The following HBEGF variants were observed in gnomAD, a reference collection of about 807,000 sequenced individuals.
HBEGF encodes the protein heparin binding EGF like growth factor, also known as proheparin-binding EGF-like growth factor.
HBEGF carries 8 observed loss-of-function variants against 19.5 expected under a neutral mutation model. The ratio of observed to expected loss-of-function variants is 0.41; its 90% CI spans 0.24 to 0.74. The LOEUF (loss-of-function observed/expected upper bound fraction) is 0.74. HBEGF is among the 30% of genes least tolerant of loss of function. HBEGF has a pLI of 0.32. For synonymous variants in HBEGF, 97 were observed against 108.9 expected, an observed-to-expected ratio of 0.89 and a Z score of 0.68; for missense variants, 207 against 256.9, an observed-to-expected ratio of 0.81 and a Z score of 1.33.
chr5:140,346,415 G>A lies in HBEGF; in HGVS notation c.-87C>T, dbSNP rs577735213. On this transcript the variant is annotated 5_prime_UTR_variant, in exon 1 of 6. Transcript: ENST00000230990. This position sits in a 1 kb window ranked among gnomAD's most constrained non-coding sequence, Gnocchi z 6.1. ...GCTGGCACCAGAGCTGGGCGGCGGA[G>A]CTCAGGAGATTCCGCCGGGCACCGT... 42 of 1,448,354 alleles carry A rather than the reference G, an allele frequency of 2.9e-5. No homozygotes were observed. The highest frequency in any genetic ancestry group is 3.6e-5 in the Non-Finnish European group (38 of 1,059,660). 89.7% of individuals were successfully genotyped at this position (1,448,354 alleles called of 1,614,324 possible).
chr5:140,342,692 T>C lies in HBEGF; in HGVS notation c.341A>G (p.Asp114Gly). The C allele has an allele frequency of 6.2e-7, 1 of 1,614,156 alleles. No individual in the cohort carries two copies. The highest frequency in any genetic ancestry group is 1.1e-5 in the South Asian group (1 of 91,084). ...TTTGCATTCTCCATGGATGCAGAAG[T>C]CCTTGTATTTCCGAAGACATGGGTC... ...KRDPCLRKYK[D>G]FCIHGECKYV... Residue 114 changes from aspartate to glycine, a missense_variant, in exon 3 of 6, where the codon GAC becomes GGC. Asp to Gly is a moderately conservative substitution (Grantham distance 94). This residue lies in a region of HBEGF where 3 missense variants were observed against 17.3 expected (regional missense o/e 0.17). Transcript: ENST00000230990.
intron 5 of HBEGF, among the ~76,000 whole-genome samples, 151 bp downstream of exon 5, chr5:140,334,507 G>A (rs1211030559): frequency 1.3e-5 from 2 of 152,150 alleles, no homozygotes; most frequent in African/African-American, 4.8e-5. Context: ...GTGAAGCACT[G>A]AGTCTTTTTG....
chr5:140,337,222 T>G (rs1412076346), intron 3 of HBEGF, among the ~76,000 whole-genome samples: 1 of 152,190 alleles, frequency 6.6e-6, no homozygotes, highest in African/African-American at 2.4e-5. Flanking sequence ...TCACATCCTT[T>G]CCTTTATCTG....
At chr5:140,336,631 G>A (rs1341047245) in intron 3 of HBEGF, among the ~76,000 whole-genome samples, 1 of 151,968 alleles carries the variant, frequency 6.6e-6, no homozygotes, top group Non-Finnish European at 1.5e-5. Context: ...GGCCCAACTT[G>A]GGAGCTCAAC....
At chr5:140,345,502 C>T (rs759290225) in intron 2 of HBEGF, among the ~76,000 whole-genome samples, 1 of 152,316 alleles carries the variant, frequency 6.6e-6, no homozygotes, top group East Asian at 1.9e-4. Context: ...TGTGCCTGGG[C>T]ATCTCCGCAT....
At chr5:140,338,466 G>A (rs945977149) in intron 3 of HBEGF, among the ~76,000 whole-genome samples, 1 of 152,182 alleles carries the variant, frequency 6.6e-6, no homozygotes, top group African/African-American at 2.4e-5. Flanking sequence ...TGGGAGGAGG[G>A]AAGCTGAAGT....
Position 140,336,027 on chromosome 5 carries a change from G to A in HBEGF, c.399C>T (p.Ile133=), listed in dbSNP as rs746450214. The change falls in exon 4 of 6, where the codon ATC becomes ATT. Residue 133 remains isoleucine (I), a splice_region_variant and synonymous_variant. Transcript: ENST00000230990. ...YVKELRAPSC[I]CHPGYHGERC... ...TCTCTCCATGGTAACCCGGGTGGCAGCTAGTTCAAGACAGAACAAGAAGGA... is the reference window on the plus strand; with the variant it reads ...TCTCTCCATGGTAACCCGGGTGGCAACTAGTTCAAGACAGAACAAGAAGGA... 1 of 1,613,624 alleles carries A rather than the reference G, an allele frequency of 6.2e-7. No individual in the cohort carries two copies. Among genetic ancestry groups the A allele is most frequent in the Non-Finnish European group, 8.5e-7 (1 of 1,179,806 alleles).
chr5:140,335,908 A>G lies in HBEGF; in HGVS notation c.518T>C (p.Val173Ala), dbSNP rs1766220702. ...AAGCCCCACGATGACCAGCAGACAG[A>G]CAGATGACAGCACCACAGCCACCAC... ...LAVVAVVLSSVCLLVIVGLLM... is the reference protein window; with the variant it reads ...LAVVAVVLSSACLLVIVGLLM... The change falls in exon 4 of 6, where the codon GTC becomes GCC. Residue 173 changes from valine to alanine, a missense_variant. By Grantham distance (64) the Val-to-Ala change is moderately conservative. This residue lies in a region of HBEGF where 77 missense variants were observed against 106.9 expected (regional missense o/e 0.72). Transcript: ENST00000230990. 1.6e-5 allele frequency: 26 copies of G among 1,614,202 alleles called. No homozygotes were observed. The highest frequency in any genetic ancestry group is 2.2e-5 in the Non-Finnish European group (26 of 1,180,030).
chr5:140,341,819 A>G (rs759026249), intron 3 of HBEGF, among the ~76,000 whole-genome samples: 5 of 152,162 alleles, frequency 3.3e-5, no homozygotes, highest in Non-Finnish European at 5.9e-5. Context: ...TGGCAACATT[A>G]TGCCTGCCAG....
chr5:140,342,958 C>CACTG, intron 2 of HBEGF, 146 bp from the exon 3 acceptor site: 8 of 753,808 alleles, frequency 1.1e-5, no homozygotes, highest in East Asian at 2.5e-5. Flanking sequence ...TCCTAAGAGG[C>CACTG]AGAAGGAAGA....
Position 140,342,719 on chromosome 5 carries a change from C to T in HBEGF, c.314G>A (p.Arg105Lys), listed in dbSNP as rs774234854. Reference protein sequence around the residue: ...KKKGKGLGKKRDPCLRKYKDF... With the variant: ...KKKGKGLGKKKDPCLRKYKDF... ...CTTGTATTTCCGAAGACATGGGTCC[C>T]TCTTCTTCCCTAGCCCCTTGCCTTT... Residue 105 changes from arginine to lysine, a missense_variant, in exon 3 of 6, where the codon AGG (arginine) becomes AAG (lysine). This residue lies in a region of HBEGF where 127 missense variants were observed against 132.7 expected (regional missense o/e 0.96). Transcript: ENST00000230990. 4.3e-6 allele frequency: 7 copies of T among 1,614,204 alleles called. No individual in the cohort carries two copies. Among genetic ancestry groups the T allele is most frequent in the African/African-American group, 1.3e-5 (1 of 75,048 alleles).
rs1766299363 is a variant in HBEGF at position 140,340,753 on chromosome 5, C to T, written c.398+1882G>A. Reference sequence around the variant, plus strand: ...GCTGCCCTCTGCCCTCTATAAAATGCTGCTCCAACTCTATAAGGACAGATA... The same window carrying T: ...GCTGCCCTCTGCCCTCTATAAAATGTTGCTCCAACTCTATAAGGACAGATA... On this transcript the variant is annotated intron_variant, in intron 3 of 5. Transcript: ENST00000230990. Among the ~76,000 whole-genome samples the T allele has an allele frequency of 3.3e-5, 5 of 152,202 alleles. No individual in the cohort carries two copies. In the South Asian group the frequency reaches 1.0e-3, roughly 32 times the overall value.
intron 3 of HBEGF, among the ~76,000 whole-genome samples, chr5:140,340,876 A>G (rs970482658): frequency 1.3e-5 from 2 of 152,196 alleles, no homozygotes; most frequent in East Asian, 3.9e-4. Context: ...CTTATTTCCA[A>G]CTACTTATTT....
intron 3 of HBEGF, among the ~76,000 whole-genome samples, chr5:140,336,232 T>G (rs1022351763): frequency 6.6e-6 from 1 of 152,196 alleles, no homozygotes; most frequent in African/African-American, 2.4e-5. Flanking sequence ...CTCTCTCACT[T>G]GACACCCTCC....
chr5:140,342,761 T>C lies in HBEGF; in HGVS notation c.272A>G (p.His91Arg). ...CTTGCCTTTCTTCTTTCTTTTCCCGTGCTCCTCCTTGTTTGGTGTGGCCAG... is the reference window on the plus strand; with the variant it reads ...CTTGCCTTTCTTCTTTCTTTTCCCGCGCTCCTCCTTGTTTGGTGTGGCCAG... The part of the protein sequence containing the change: ...QALATPNKEE[H>R]GKRKKKGKGL... Residue 91 changes from histidine to arginine, a missense_variant, in exon 3 of 6, where the codon CAC becomes CGC. Physicochemically the swap from His to Arg is conservative, Grantham distance 29. This residue lies in a region of HBEGF where 127 missense variants were observed against 132.7 expected (regional missense o/e 0.96). Coordinates refer to ENST00000230990, the MANE Select transcript of HBEGF (RefSeq NM_001945.3). 6.2e-7 allele frequency: 1 copy of C among 1,614,224 alleles called. No individual in the cohort carries two copies. The highest frequency in any genetic ancestry group is 2.2e-5 in the East Asian group (1 of 44,886).
chr5:140,336,776 C>T (rs945595354), intron 3 of HBEGF, among the ~76,000 whole-genome samples: 1 of 151,626 alleles, frequency 6.6e-6, no homozygotes, highest in Non-Finnish European at 1.5e-5. Flanking sequence ...TCCCTTGGCT[C>T]TTCTCACTCA....
intron 2 of HBEGF, among the ~76,000 whole-genome samples, chr5:140,345,248 C>T (rs973190252): frequency 1.3e-5 from 2 of 152,214 alleles, no homozygotes; most frequent in African/African-American, 4.8e-5. Context: ...GCCAAAGAGG[C>T]TGGTTGGAGG....
chr5:140,335,044 C>T (rs1339551735), intron 4 of HBEGF: 1 of 436,830 alleles, frequency 2.3e-6, no homozygotes, highest in Non-Finnish European at 4.2e-6. Context: ...CTCAGAAAGA[C>T]AGTAACTTGT....
At chr5:140,335,383 CAAAAAAAA>C (rs752308223) in intron 4 of HBEGF, among the ~76,000 whole-genome samples, 1 of 91,162 alleles carries the variant, frequency 1.1e-5, no homozygotes, top group Non-Finnish European at 2.3e-5. Context: ...GACTCTGTCT[CAAAAAAAA>C]AAAAAAAAAA....
Sources: allele counts gnomAD v4.1 joint callset (sites outside exome capture counted in the v4.1 genomes callset), GRCh38; gene constraint gnomAD v4.1.1; regional missense constraint gnomAD v4.1.1; non-coding constraint Gnocchi (gnomAD v3.1); transcripts MANE v1.5; gene names NCBI Gene and HGNC (gene_info 2026-07-23, HGNC 2026-07-21).